Variants in COL10A1 observed in about 807,000 individuals in gnomAD.
COL10A1 encodes the protein collagen alpha-1(X) chain.
COL10A1 carries 10 observed loss-of-function variants against 18.2 expected under a neutral mutation model. That is an observed-to-expected ratio of 0.55 (90% CI 0.34 to 0.93). The LOEUF is 0.93. COL10A1 is among the 40% of genes least tolerant of loss of function. The pLI, the probability that COL10A1 is intolerant of heterozygous loss-of-function variation, is 0.02. For synonymous variants in COL10A1, 330 were observed against 316.6 expected (o/e 1.04, Z -0.45); for missense variants, 897 against 853.5 (o/e 1.05, Z -0.64).
At chr6:116,171,553 A>G in the COL10A1 span, among the ~76,000 whole-genome samples, 4,846 of 152,280 alleles carry the variant, frequency 0.032, 269 homozygotes, top group African/African-American at 0.11. Context: ...TTGAGAGCCT[A>G]CCTTTTTGGG....
upstream of COL10A1, among the ~76,000 whole-genome samples, chr6:116,162,634 G>A (rs751979827): frequency 3.3e-5 from 5 of 152,210 alleles, no homozygotes; most frequent in South Asian, 2.1e-4. Context: ...CCACTTGATC[G>A]TGATGAATTA....
At chr6:116,198,589 G>T in the COL10A1 span, among the ~76,000 whole-genome samples, 2 of 151,902 alleles carry the variant, frequency 1.3e-5, no homozygotes, top group Non-Finnish European at 2.9e-5. Context: ...AAAATAGCCA[G>T]ATCTGGTGGT....
chr6:116,210,005 T>A, the COL10A1 span, among the ~76,000 whole-genome samples: 1 of 151,996 alleles, frequency 6.6e-6, no homozygotes, highest in African/African-American at 2.4e-5. Flanking sequence ...CATACCCAAG[T>A]TTGTTACTAA....
chr6:116,135,873 A>ATATATATGTATGTATATATATATATATG (rs1491111454), intron 1 of COL10A1, among the ~76,000 whole-genome samples: 1 of 62,198 alleles, frequency 1.6e-5, no homozygotes, highest in African/African-American at 9.2e-5. Flanking sequence ...ATATATATAT[A>ATATATATGTATGTATATATATATATATG]CACACATACA....
the COL10A1 span, among the ~76,000 whole-genome samples, chr6:116,171,749 G>A: frequency 1.3e-5 from 2 of 152,202 alleles, no homozygotes; most frequent in African/African-American, 4.8e-5. Context: ...CCCATGGTAA[G>A]AACAGTGGAG....
chr6:116,130,156 C>T (rs1403387490), upstream of COL10A1, among the ~76,000 whole-genome samples: 2 of 152,024 alleles, frequency 1.3e-5, no homozygotes, highest in South Asian at 2.1e-4. Flanking sequence ...AAGAAAAACA[C>T]CCCTTCATCA....
upstream of COL10A1, among the ~76,000 whole-genome samples, chr6:116,129,073 A>G (rs1779398359): frequency 6.6e-6 from 1 of 152,152 alleles, no homozygotes; most frequent in Non-Finnish European, 1.5e-5. Context: ...CATATATTGT[A>G]CCAATTTACC....
the COL10A1 span, among the ~76,000 whole-genome samples, chr6:116,166,320 A>T: frequency 5.9e-5 from 9 of 152,270 alleles, no homozygotes; most frequent in South Asian, 1.9e-3. Flanking sequence ...GACATCCAAA[A>T]TCCCTAGTCA....
At chr6:116,139,511 A>G (rs1183833259) in intron 1 of COL10A1, among the ~76,000 whole-genome samples, 1 of 152,168 alleles carries the variant, frequency 6.6e-6, no homozygotes, top group Non-Finnish European at 1.5e-5. Flanking sequence ...CTACAGTGTA[A>G]TGATATTGAA....
intron 1 of COL10A1, among the ~76,000 whole-genome samples, chr6:116,154,122 T>A (rs1780121780): frequency 6.6e-6 from 1 of 151,648 alleles, no homozygotes; most frequent in African/African-American, 2.4e-5. Flanking sequence ...CAAATCAGCA[T>A]TGATTTGTAG....
rs1485307336 is a variant in COL10A1, at chr6:116,120,683, G to A, written c.1433C>T (p.Ala478Val). Residue 478 changes from alanine to valine, a missense_variant, in exon 3 of 3, where the codon GCT becomes GTT. Coordinates refer to ENST00000651968, the MANE Select transcript of COL10A1 (RefSeq NM_000493.4). ...ATTGAGGCCCTTAGTTGCTATGCCAGCTGGGCCAGGAGGACCGGGACTTCC... is the reference window on the plus strand; with the variant it reads ...ATTGAGGCCCTTAGTTGCTATGCCAACTGGGCCAGGAGGACCGGGACTTCC... ...DPGSPGPPGP[A>V]GIATKGLNGP... is the part of the protein sequence containing the mutation. 12 of 1,547,020 alleles carry A rather than the reference G, an allele frequency of 7.8e-6. No individual in the cohort carries two copies. The highest frequency in any genetic ancestry group is 5.1e-5 in the South Asian group (4 of 78,902).
intron 1 of COL10A1, among the ~76,000 whole-genome samples, chr6:116,151,980 T>C (rs1780053178): frequency 6.6e-6 from 1 of 152,214 alleles, no homozygotes; most frequent in African/African-American, 2.4e-5. Flanking sequence ...AAAACACTTA[T>C]TTTACTAAGC....
upstream of COL10A1, among the ~76,000 whole-genome samples, chr6:116,159,717 A>G (rs1780284135): frequency 6.6e-6 from 1 of 152,168 alleles, no homozygotes; most frequent in African/African-American, 2.4e-5. Flanking sequence ...TTTCTAGTGA[A>G]CCCATTACCC....
the COL10A1 span, among the ~76,000 whole-genome samples, chr6:116,176,857 G>A: frequency 6.6e-6 from 1 of 152,140 alleles, no homozygotes; most frequent in Non-Finnish European, 1.5e-5. Flanking sequence ...CTGGCTGACT[G>A]TCCTGTGATC....
At chr6:116,190,046 TC>T in the COL10A1 span, among the ~76,000 whole-genome samples, 1 of 152,004 alleles carries the variant, frequency 6.6e-6, no homozygotes, top group African/African-American at 2.4e-5. Flanking sequence ...ATTTCATCTC[TC>T]TGAATCACTG....
At chr6:116,163,809 G>A in the COL10A1 span, among the ~76,000 whole-genome samples, 1 of 152,048 alleles carries the variant, frequency 6.6e-6, no homozygotes, top group Non-Finnish European at 1.5e-5. Context: ...TATGTTACAT[G>A]TCTATATTCA....
At chr6:116,211,384 TA>T in the COL10A1 span, among the ~76,000 whole-genome samples, 1 of 152,034 alleles carries the variant, frequency 6.6e-6, no homozygotes, top group South Asian at 2.1e-4. Flanking sequence ...TGTGCAGCAA[TA>T]AAAAACCCAA....
chr6:116,140,999 A>G (rs1470715736), intron 1 of COL10A1, among the ~76,000 whole-genome samples: 2 of 152,114 alleles, frequency 1.3e-5, no homozygotes, highest in Non-Finnish European at 2.9e-5. Flanking sequence ...TTAACTATGT[A>G]TATTTTTCTG....
At chr6:116,214,286 A>G in the COL10A1 span, among the ~76,000 whole-genome samples, 2 of 152,112 alleles carry the variant, frequency 1.3e-5, no homozygotes, top group Non-Finnish European at 2.9e-5. Flanking sequence ...CTTTATTCTC[A>G]TATATATCCT....
Sources: allele counts gnomAD v4.1 joint callset (sites outside exome capture counted in the v4.1 genomes callset), GRCh38; gene constraint gnomAD v4.1.1; transcripts MANE v1.5; gene names NCBI Gene and HGNC (gene_info 2026-07-23, HGNC 2026-07-21).